Variants in DERL1 observed in about 807,000 individuals in gnomAD.
DERL1 encodes the protein derlin-1.
In DERL1, 24 loss-of-function variants were observed where a neutral mutation model predicts 41.6. The ratio of observed to expected loss-of-function variants is 0.58; its 90% CI spans 0.42 to 0.81. DERL1 has a LOEUF of 0.81. Among genes scored for constraint, DERL1 ranks in the 30% least tolerant of loss-of-function variants. The probability of loss-of-function intolerance (pLI) is 0.00; values close to 1 mark genes in which losing one functional copy is unlikely to be tolerated. For synonymous variants in DERL1, 124 were observed against 112.5 expected (o/e 1.10, Z -0.65); for missense variants, 260 against 314.3 (o/e 0.83, Z 1.31).
At chr8:123,028,519 T>TA (rs1167044198) in intron 2 of DERL1, among the ~76,000 whole-genome samples, 3 of 152,140 alleles carry the variant, frequency 2.0e-5, no homozygotes, top group Non-Finnish European at 4.4e-5. Context: ...GTTCTGGAAT[T>TA]AGATTGTGGT....
chr8:123,029,838 T>C lies in DERL1; in HGVS notation c.265+767A>G, dbSNP rs969702764. 5.9e-5 allele frequency among the ~76,000 whole-genome samples: 9 copies of C among 152,248 alleles called. No individual in the cohort carries two copies. The South Asian group carries it at 8.3e-4, about 14-fold the overall frequency. ...ACTTTGGGAGGCTGAGGCAGACAGA[T>C]CACTTGAGGTCAGGAGTTTGAGACC... On this transcript the variant is annotated intron_variant, in intron 2 of 7. Transcript: ENST00000259512.
chr8:123,027,671 G>A (rs1293339511), intron 2 of DERL1, among the ~76,000 whole-genome samples: 1 of 152,140 alleles, frequency 6.6e-6, no homozygotes, highest in Non-Finnish European at 1.5e-5. Context: ...TCCTAAATTG[G>A]TATTCAGAGA....
chr8:123,021,232 A>AGTT (rs1192354964), intron 6 of DERL1, among the ~76,000 whole-genome samples: 9 of 152,210 alleles, frequency 5.9e-5, no homozygotes, highest in Admixed American at 1.3e-4. Context: ...TGTGTGTAAC[A>AGTT]ATAAGTTAAC....
rs376778380 is a variant in DERL1 at position 123,031,531 on chromosome 8, G to A, written c.154-815C>T. On this transcript the variant is annotated intron_variant, in intron 1 of 7. Transcript: ENST00000259512. ...CTACACTCCAGCCTGGGTGACGAGC[G>A]AAACTCCGTCTCAAAAAATTAAATT... 9.9e-5 allele frequency among the ~76,000 whole-genome samples: 15 copies of A among 152,016 alleles called. No homozygotes were observed. In the South Asian group the frequency reaches 2.5e-3, roughly 25 times the overall value.
chr8:123,018,401 C>A (rs1814644876), intron 7 of DERL1: 1 of 152,332 alleles, frequency 6.6e-6, no homozygotes, highest in African/African-American at 2.4e-5. Context: ...CTACCCCCAC[C>A]TTTAGGAATA....
chr8:123,019,840 C>A (rs1450833727), intron 6 of DERL1, among the ~76,000 whole-genome samples: 4 of 152,122 alleles, frequency 2.6e-5, no homozygotes, highest in South Asian at 2.1e-4. Flanking sequence ...ACCCTGAAAT[C>A]AACGCTGACC....
At chr8:123,015,638 C>T (rs1186507538) in intron 7 of DERL1, 53 bp from the exon 8 acceptor site, 1 of 1,553,320 alleles carries the variant, frequency 6.4e-7, no homozygotes, top group East Asian at 2.3e-5. Context: ...AAGTCACTTC[C>T]ACATAGTTAT....
intron 4 of DERL1, 92 bp downstream of exon 4, chr8:123,023,621 T>C (rs187991534): frequency 2.3e-5 from 28 of 1,195,620 alleles, no homozygotes; most frequent in Admixed American, 6.7e-5. Context: ...ATTAACCCCA[T>C]AGTTAATGCA....
At chr8:123,035,723 C>T (rs1812912056) in intron 1 of DERL1, among the ~76,000 whole-genome samples, 1 of 152,194 alleles carries the variant, frequency 6.6e-6, no homozygotes, top group African/African-American at 2.4e-5. Context: ...GCTATATACA[C>T]CCTTAAAGAA....
intron 6 of DERL1, among the ~76,000 whole-genome samples, chr8:123,020,907 A>G (rs1224442830): frequency 1.3e-5 from 2 of 151,638 alleles, no homozygotes; most frequent in Non-Finnish European, 2.9e-5. Flanking sequence ...CAGAGGTTAC[A>G]ATGAGCCAAG....
intron 1 of DERL1, 99 bp downstream of exon 1, chr8:123,041,871 C>T (rs1813082072): frequency 7.0e-7 from 1 of 1,434,218 alleles, no homozygotes; most frequent in Non-Finnish European, 9.2e-7. Flanking sequence ...CTACAAATCC[C>T]AGCAGGCACC....
chr8:123,017,518 T>C (rs760420237), intron 7 of DERL1: 1 of 152,202 alleles, frequency 6.6e-6, no homozygotes, highest in Admixed American at 6.5e-5. Flanking sequence ...AGATACCCAA[T>C]TATACATAAT....
chr8:123,042,298 C>T lies in DERL1; in HGVS notation c.-176G>A, dbSNP rs1813101227. 3 of 849,168 alleles carry T rather than the reference C, an allele frequency of 3.5e-6. No homozygotes were observed. Among genetic ancestry groups the T allele is most frequent in the Non-Finnish European group, 5.1e-6 (3 of 590,058 alleles). 52.6% of individuals were successfully genotyped at this position (849,168 alleles called of 1,614,324 possible). The stretch of plus-strand genomic sequence containing the variant: ...ACCGAATTCGGACCAGCGAGGCAGC[C>T]TTCTGAGGCGAAACTTCCCCTTCCG... On this transcript the variant is annotated 5_prime_UTR_variant, in exon 1 of 8. Transcript: ENST00000259512.
chr8:123,019,433 C>T (rs1814697341), intron 6 of DERL1, 128 bp from the exon 7 acceptor site: 3 of 651,568 alleles, frequency 4.6e-6, no homozygotes, highest in Non-Finnish European at 8.1e-6. Flanking sequence ...TGAGAGCTGA[C>T]AATGAGCACT....
chr8:123,019,634 T>C (rs1360128784), intron 6 of DERL1, among the ~76,000 whole-genome samples: 1 of 152,258 alleles, frequency 6.6e-6, no homozygotes, highest in African/African-American at 2.4e-5. Context: ...TGCTTCTGAA[T>C]GCTTTCAGTC....
At chr8:123,024,696 C>T (rs1399982151) in intron 3 of DERL1, among the ~76,000 whole-genome samples, 1 of 152,120 alleles carries the variant, frequency 6.6e-6, no homozygotes, top group Non-Finnish European at 1.5e-5. Flanking sequence ...CCTCAGTCAA[C>T]AAGCTGTCAC....
At position 123,013,180 on chromosome 8, in the gene DERL1, T is replaced by G. The variant is rs958816275; in HGVS notation, c.*2267A>C. The G allele has an allele frequency of 6.6e-6, 1 of 152,116 alleles. No individual in the cohort carries two copies. The highest frequency in any genetic ancestry group is 1.5e-5 in the Non-Finnish European group (1 of 68,024). 9.4% of individuals were successfully genotyped at this position (152,116 alleles called of 1,614,324 possible). On this transcript the variant is annotated 3_prime_UTR_variant, in exon 8 of 8. Coordinates refer to ENST00000259512, the MANE Select transcript of DERL1 (RefSeq NM_024295.6). ...ACTCCTCACTCAAAGTTAGCAAGCA[T>G]CCTCCTTCATTAAAATGAAAACCCA...
At chr8:123,041,897 G>C (rs1813082852) in intron 1 of DERL1, 73 bp downstream of exon 1, 1 of 1,470,740 alleles carries the variant, frequency 6.8e-7, no homozygotes, top group African/African-American at 1.4e-5. Flanking sequence ...CCCGCAACAT[G>C]CCAGCCTACG....
chr8:123,022,617 T>C, intron 5 of DERL1, 67 bp downstream of exon 5: 4 of 1,482,820 alleles, frequency 2.7e-6, no homozygotes, highest in Non-Finnish European at 3.8e-6. Flanking sequence ...AGAAAGTACA[T>C]CTCTGGACTG....
Sources: gnomAD v4.1 joint callset for allele counts (sites outside exome capture counted in the v4.1 genomes callset) on GRCh38, gnomAD v4.1.1 for gene constraint, MANE v1.5 for transcripts, NCBI Gene and HGNC (gene_info 2026-07-23, HGNC 2026-07-21) for gene names.